Variants in DCAF8 observed in about 807,000 individuals in gnomAD.
DCAF8 encodes DDB1- and CUL4-associated factor 8.
In DCAF8, 20 loss-of-function variants were observed where a neutral mutation model predicts 68.0. The ratio of observed to expected loss-of-function variants is 0.29; its 90% CI spans 0.21 to 0.43. The LOEUF (loss-of-function observed/expected upper bound fraction) is 0.43, where lower values mean the gene tolerates loss of function less well. Among genes scored for constraint, DCAF8 ranks in the 20% least tolerant of loss-of-function variants. DCAF8 has a pLI of 1.00. For synonymous variants in DCAF8, 230 were observed against 276.9 expected (o/e 0.83, Z 1.68); for missense variants, 460 against 771.0 (o/e 0.60, Z 4.78).
chr1:160,247,298 G>A (rs1022892148), intron 2 of DCAF8, among the ~76,000 whole-genome samples: 1 of 152,154 alleles, frequency 6.6e-6, no homozygotes, highest in Non-Finnish European at 1.5e-5. Flanking sequence ...GAGGAAAAAA[G>A]ACCCAGGTGC....
chr1:160,242,454 C>T (rs914100161), intron 3 of DCAF8, among the ~76,000 whole-genome samples: 1 of 151,972 alleles, frequency 6.6e-6, no homozygotes, highest in African/African-American at 2.4e-5. Context: ...GAAACACCAA[C>T]CTAACAGGTC....
At chr1:160,246,733 G>A (rs1656355919) in intron 2 of DCAF8, among the ~76,000 whole-genome samples, 1 of 151,964 alleles carries the variant, frequency 6.6e-6, no homozygotes, top group Admixed American at 6.6e-5. Flanking sequence ...TATAATCCCA[G>A]CACATTGGGA....
At chr1:160,234,296 T>G (rs948417360) in intron 6 of DCAF8, among the ~76,000 whole-genome samples, 1 of 151,068 alleles carries the variant, frequency 6.6e-6, no homozygotes, top group Non-Finnish European at 1.5e-5. Flanking sequence ...TTTCACCCCA[T>G]GCCAGCCTGT....
At chr1:160,227,638 A>G (rs56326104) in intron 7 of DCAF8, among the ~76,000 whole-genome samples, 42 of 152,388 alleles carry the variant, frequency 2.8e-4, no homozygotes, top group Non-Finnish European at 5.0e-4. Context: ...AGGACAAGAC[A>G]GTAAATGTTT....
Position 160,238,603 on chromosome 1 carries a change from T to C in DCAF8, c.864+4A>G, listed in dbSNP as rs774355322. 2 of 1,598,216 alleles carry C rather than the reference T, an allele frequency of 1.3e-6. No homozygotes were observed. The highest frequency in any genetic ancestry group is 8.5e-7 in the Non-Finnish European group (1 of 1,172,616). Reference sequence around the variant, plus strand: ...CACAAATTTTGGAGCAAGGTCTTACTTACCTTGTGGGACGCTCCCTTGTGC... The same window carrying C: ...CACAAATTTTGGAGCAAGGTCTTACCTACCTTGTGGGACGCTCCCTTGTGC... On this transcript the variant is annotated splice_donor_region_variant and intron_variant, in intron 5 of 13. Transcript: ENST00000368074.
At position 160,218,449 on chromosome 1, in the gene DCAF8, CA is replaced by C. The variant is rs1457392529; in HGVS notation, c.1561-10del. ...TTGTTCTTCTTAATCACCTGGAACCCAAAAAGGTTGGGAAGAGGGGGCAGCA... is the reference window on the plus strand; with the variant it reads ...TTGTTCTTCTTAATCACCTGGAACCCAAAAGGTTGGGAAGAGGGGGCAGCA... On this transcript the variant is annotated splice_polypyrimidine_tract_variant and intron_variant, in intron 12 of 13. Transcript: ENST00000368074. The C allele has an allele frequency of 1.2e-6, 2 of 1,611,420 alleles. No homozygotes were observed. The highest frequency in any genetic ancestry group is 1.1e-5 in the South Asian group (1 of 90,986).
At chr1:160,230,376 G>T (rs1655634785) in intron 7 of DCAF8, among the ~76,000 whole-genome samples, 1 of 152,130 alleles carries the variant, frequency 6.6e-6, no homozygotes, top group Admixed American at 6.5e-5. Flanking sequence ...AGGCCAACTG[G>T]ATAGGGATGG....
intron 7 of DCAF8, among the ~76,000 whole-genome samples, chr1:160,229,429 A>C (rs772088179): frequency 1.3e-5 from 2 of 152,246 alleles, no homozygotes; most frequent in Non-Finnish European, 2.9e-5. Context: ...GCCTTACTCT[A>C]ACCCTGGGAA....
chr1:160,233,669 T>C (rs534609703), intron 6 of DCAF8, among the ~76,000 whole-genome samples: 15 of 152,224 alleles, frequency 9.9e-5, no homozygotes, highest in Non-Finnish European at 2.2e-4. Context: ...GTCAAACAAA[T>C]ACAAAAGTTA....
intron 3 of DCAF8, 117 bp from the exon 4 acceptor site, chr1:160,240,487 T>G: frequency 1.1e-6 from 1 of 942,480 alleles, no homozygotes; most frequent in Non-Finnish European, 1.6e-6. Flanking sequence ...TTGGTCCAAG[T>G]GTTTTCATTA....
rs1655087866 is a variant in DCAF8 at position 160,215,747 on chromosome 1, A to AAAATACAAC, written c.*1836_*1844dup. The AAAATACAAC allele has an allele frequency of 6.6e-6, 1 of 152,276 alleles. No individual in the cohort carries two copies. Among genetic ancestry groups the AAAATACAAC allele is most frequent in the Non-Finnish European group, 1.5e-5 (1 of 68,082 alleles). 9.4% of individuals were successfully genotyped at this position (152,276 alleles called of 1,614,324 possible). A position where few individuals can be genotyped will look rare whatever the true frequency, so the allele number is the denominator to read the frequency against. ...GGGAGAAGAAAAGCTTTACTGGGAG[A>AAAATACAAC]AAATACAACAAATTCCAGAGTGCAT... On this transcript the variant is annotated 3_prime_UTR_variant, in exon 14 of 14. Transcript: ENST00000368074.
At chr1:160,233,572 G>C (rs1214250828) in intron 6 of DCAF8, among the ~76,000 whole-genome samples, 1 of 152,190 alleles carries the variant, frequency 6.6e-6, no homozygotes, top group Admixed American at 6.5e-5. Flanking sequence ...ATGAGTTTTA[G>C]ACAGGGAAAG....
chr1:160,243,026 C>G (rs1656179821), intron 3 of DCAF8, among the ~76,000 whole-genome samples: 1 of 152,160 alleles, frequency 6.6e-6, no homozygotes, highest in African/African-American at 2.4e-5. Flanking sequence ...CTCACTTATC[C>G]TTCCTCCAAT....
intron 3 of DCAF8, among the ~76,000 whole-genome samples, chr1:160,243,675 AT>A (rs1190752959): frequency 6.6e-6 from 1 of 152,144 alleles, no homozygotes; most frequent in Non-Finnish European, 1.5e-5. Context: ...TACTAACAGC[AT>A]TTCCTAGGTT....
At chr1:160,223,914 C>T (rs1273518664) in intron 10 of DCAF8, among the ~76,000 whole-genome samples, 1 of 152,166 alleles carries the variant, frequency 6.6e-6, no homozygotes, top group African/African-American at 2.4e-5. Context: ...GAGTGAGATC[C>T]TGTCTCATAA....
Position 160,247,632 on chromosome 1 carries a change from C to T in DCAF8, c.-26-3598G>A, listed in dbSNP as rs775001168. Among the ~76,000 whole-genome samples, 15 of 152,168 alleles carry T rather than the reference C, an allele frequency of 9.9e-5. 1 individual carries two copies. Among genetic ancestry groups the T allele is most frequent in the Non-Finnish European group, 2.1e-4 (14 of 68,036 alleles). ...AAATATTTGCAATATACCAGTGGAG[C>T]ATCTCAAATCAGAAAATTCAAAATC... On this transcript the variant is annotated intron_variant, in intron 2 of 13. Coordinates refer to ENST00000368074, the MANE Select transcript of DCAF8 (RefSeq NM_015726.4).
chr1:160,217,457 C>G lies in DCAF8; in HGVS notation c.*135G>C. The G allele has an allele frequency of 1.6e-6, 1 of 617,132 alleles. No individual in the cohort carries two copies. Among genetic ancestry groups the G allele is most frequent in the Non-Finnish European group, 2.8e-6 (1 of 355,872 alleles). 38.2% of individuals were successfully genotyped at this position (617,132 alleles called of 1,614,324 possible). On this transcript the variant is annotated 3_prime_UTR_variant, in exon 14 of 14. Transcript: ENST00000368074. The stretch of plus-strand genomic sequence containing the variant: ...TTCACTCCTCTGGTTTGTCCTTCTC[C>G]TGGGATGTCTTTCTTTTATCTAAAG...
In DCAF8 at chr1:160,226,222, C is replaced by T. The variant is rs191741845; in HGVS notation, c.1071-559G>A. ...AGCTTTTTACATGTACATTACCTAC[C>T]GAAAAAGGTTACTCACGGGCAGAAA... On this transcript the variant is annotated intron_variant, in intron 7 of 13. Coordinates refer to ENST00000368074, the MANE Select transcript of DCAF8 (RefSeq NM_015726.4). Among the ~76,000 whole-genome samples, 149 of 152,188 alleles carry T rather than the reference C, an allele frequency of 9.8e-4. 1 individual carries two copies. Among genetic ancestry groups the T allele is most frequent in the African/African-American group, 3.4e-3 (140 of 41,510 alleles).
At chr1:160,244,084 A>G (rs1656226794) in intron 2 of DCAF8, 50 bp from the exon 3 acceptor site, 6 of 1,372,928 alleles carry the variant, frequency 4.4e-6, no homozygotes, top group Non-Finnish European at 6.2e-6. Flanking sequence ...CCACCTGGGA[A>G]AGAAGACAAT....
Sources: allele counts gnomAD v4.1 joint callset (sites outside exome capture counted in the v4.1 genomes callset), GRCh38; gene constraint gnomAD v4.1.1; transcripts MANE v1.5; gene names NCBI Gene and HGNC (gene_info 2026-07-23, HGNC 2026-07-21).